ZNF609: variants seen among roughly 807,000 people sequenced by gnomAD.
ZNF609 encodes the protein zinc finger protein 609.
In ZNF609, 11 loss-of-function variants were observed where a neutral mutation model predicts 109.5. The ratio of observed to expected loss-of-function variants is 0.10; its 90% CI spans 0.06 to 0.17. ZNF609 has a LOEUF of 0.17. ZNF609 is among the 10% of genes least tolerant of loss of function. The probability of loss-of-function intolerance (pLI) is 1.00; values close to 1 mark genes in which losing one functional copy is unlikely to be tolerated. For synonymous variants in ZNF609, 646 were observed against 662.0 expected (o/e 0.98, Z 0.37); for missense variants, 1,559 against 1,772.4 (o/e 0.88, Z 2.16).
At chr15:64,597,046 C>T (rs1316028557) in intron 2 of ZNF609, among the ~76,000 whole-genome samples, 1 of 152,110 alleles carries the variant, frequency 6.6e-6, no homozygotes, top group African/African-American at 2.4e-5. Context: ...CACCTACCCA[C>T]TTGACTCTGA....
chr15:64,461,285 T>C (rs1220686831), intron 1 of ZNF609, among the ~76,000 whole-genome samples: 1 of 151,446 alleles, frequency 6.6e-6, no homozygotes, highest in African/African-American at 2.4e-5. Flanking sequence ...GTGCGTGACC[T>C]AGGAGTGGGG....
intron 2 of ZNF609, among the ~76,000 whole-genome samples, chr15:64,597,732 T>C (rs1895420995): frequency 6.6e-6 from 1 of 152,162 alleles, no homozygotes; most frequent in Admixed American, 6.5e-5. Context: ...ATACAGGCTA[T>C]CTTTAGGTTA....
chr15:64,577,008 G>GTATATATACACAAATATATA (rs1567019051), intron 2 of ZNF609, among the ~76,000 whole-genome samples: 2 of 112,330 alleles, frequency 1.8e-5, no homozygotes, highest in African/African-American at 6.4e-5. Context: ...ATATATATAT[G>GTATATATACACAAATATATA]TATGTATACA....
intron 1 of ZNF609, among the ~76,000 whole-genome samples, chr15:64,476,485 A>G (rs1416913267): frequency 6.6e-6 from 1 of 152,130 alleles, no homozygotes; most frequent in Admixed American, 6.6e-5. Flanking sequence ...GTTAAAGTAG[A>G]GATCTTTGAG....
At chr15:64,533,824 G>A (rs77518600) in intron 2 of ZNF609, among the ~76,000 whole-genome samples, 1 of 152,282 alleles carries the variant, frequency 6.6e-6, no homozygotes, top group African/African-American at 2.4e-5. Context: ...TCCAAAACTA[G>A]TGTAACAGCC....
intron 2 of ZNF609, among the ~76,000 whole-genome samples, chr15:64,521,785 G>T (rs1328971837): frequency 2.0e-5 from 3 of 152,122 alleles, no homozygotes; most frequent in Non-Finnish European, 4.4e-5. Context: ...AGCAGAGTGA[G>T]CCTTCTGAGG....
chr15:64,525,103 T>C (rs1003210465), intron 2 of ZNF609, among the ~76,000 whole-genome samples: 1 of 152,234 alleles, frequency 6.6e-6, no homozygotes, highest in African/African-American at 2.4e-5. Flanking sequence ...GCTTATGTGC[T>C]TGTATATCTT....
intron 2 of ZNF609, among the ~76,000 whole-genome samples, chr15:64,602,933 G>A (rs1458403230): frequency 2.4e-5 from 3 of 126,202 alleles, no homozygotes; most frequent in Non-Finnish European, 5.1e-5. Context: ...TTTTAGTAGA[G>A]ACGGGGTTTC....
intron 2 of ZNF609, among the ~76,000 whole-genome samples, chr15:64,542,833 C>G (rs1359675574): frequency 6.6e-6 from 1 of 152,204 alleles, no homozygotes; most frequent in Non-Finnish European, 1.5e-5. Context: ...GGTCCCCTGG[C>G]TTCTGGTCTA....
rs527848760 is a variant in ZNF609, at chr15:64,504,534, C to T, written c.747+4368C>T. Among the ~76,000 whole-genome samples, 136 of 152,252 alleles carry T rather than the reference C, an allele frequency of 8.9e-4. 1 individual carries two copies. Among genetic ancestry groups the T allele is most frequent in the South Asian group, 8.1e-3 (39 of 4,820 alleles). ...TCACCCAGGCTGGAGTGCAGTGGCACGATCTCGGCTCATTGCAGCCTCTGC... is the reference window on the plus strand; with the variant it reads ...TCACCCAGGCTGGAGTGCAGTGGCATGATCTCGGCTCATTGCAGCCTCTGC... On this transcript the variant is annotated intron_variant, in intron 2 of 9. Coordinates refer to ENST00000326648, the MANE Select transcript of ZNF609 (RefSeq NM_015042.2).
At chr15:64,545,298 A>G (rs534456985) in intron 2 of ZNF609, among the ~76,000 whole-genome samples, 1 of 151,940 alleles carries the variant, frequency 6.6e-6, no homozygotes, top group South Asian at 2.1e-4. Flanking sequence ...TCCTGGGCTC[A>G]AGCCAATCTC....
At chr15:64,606,558 C>A (rs1386585714) in intron 2 of ZNF609, among the ~76,000 whole-genome samples, 12 of 92,638 alleles carry the variant, frequency 1.3e-4, no homozygotes, top group African/African-American at 2.0e-4. Flanking sequence ...GACTCCATCT[C>A]AAAAAAAAAA....
At chr15:64,562,173 C>T (rs2140404447) in intron 2 of ZNF609, among the ~76,000 whole-genome samples, 1 of 152,316 alleles carries the variant, frequency 6.6e-6, no homozygotes, top group South Asian at 2.1e-4. Context: ...TAAGTACAAG[C>T]CTATTTCTCA....
intron 5 of ZNF609, 139 bp downstream of exon 5, chr15:64,676,395 C>A: frequency 1.5e-6 from 1 of 681,450 alleles, no homozygotes; most frequent in Non-Finnish European, 2.3e-6. Context: ...GATTCTTTAC[C>A]TTTGTAAACT....
intron 3 of ZNF609, among the ~76,000 whole-genome samples, chr15:64,643,290 A>G (rs963897362): frequency 6.6e-6 from 1 of 152,150 alleles, no homozygotes; most frequent in Non-Finnish European, 1.5e-5. Context: ...GCCAGAAACT[A>G]TAATTTATTT....
At chr15:64,614,685 G>T (rs1567029888) in intron 2 of ZNF609, among the ~76,000 whole-genome samples, 3 of 151,876 alleles carry the variant, frequency 2.0e-5, no homozygotes, top group Admixed American at 1.3e-4. Context: ...GTTTATCCAT[G>T]AATCAGTGAG....
At chr15:64,495,874 A>G (rs1237577251) in intron 1 of ZNF609, among the ~76,000 whole-genome samples, 1 of 146,606 alleles carries the variant, frequency 6.8e-6, no homozygotes, top group Non-Finnish European at 1.5e-5. Context: ...ACTGGAGTGT[A>G]GTGGCGTGAT....
chr15:64,574,484 T>A (rs1894915235), intron 2 of ZNF609, among the ~76,000 whole-genome samples: 1 of 152,328 alleles, frequency 6.6e-6, no homozygotes, highest in African/African-American at 2.4e-5. Context: ...ACTCACTTGA[T>A]CTGTTGTCTT....
intron 3 of ZNF609, among the ~76,000 whole-genome samples, chr15:64,628,708 C>G (rs1268038488): frequency 1.3e-5 from 2 of 152,114 alleles, no homozygotes. Flanking sequence ...TCACTGCAAC[C>G]TCCACCTCCC....
Sources: allele counts gnomAD v4.1 joint callset (sites outside exome capture counted in the v4.1 genomes callset), GRCh38; gene constraint gnomAD v4.1.1; transcripts MANE v1.5; gene names NCBI Gene and HGNC (gene_info 2026-07-23, HGNC 2026-07-21).